Variants in ABI1 observed in about 807,000 individuals in gnomAD.
ABI1 encodes Abelson interactor 1.
A neutral mutation model predicts 54.6 loss-of-function variants in ABI1; 14 were observed. That is an observed-to-expected ratio of 0.26 (90% CI 0.17 to 0.40). The LOEUF is 0.40. ABI1 is among the 10% of genes least tolerant of loss of function. ABI1 has a pLI of 1.00. For synonymous variants in ABI1, 194 were observed against 209.3 expected, an observed-to-expected ratio of 0.93 and a Z score of 0.63; for missense variants, 443 against 598.3, an observed-to-expected ratio of 0.74 and a Z score of 2.71.
chr10:26,756,161 T>C (rs1253138263), intron 8 of ABI1, among the ~76,000 whole-genome samples: 1 of 152,176 alleles, frequency 6.6e-6, no homozygotes, highest in Non-Finnish European at 1.5e-5. Flanking sequence ...ATAACAGGTT[T>C]GTCTAGCTTT....
intron 2 of ABI1, among the ~76,000 whole-genome samples, chr10:26,798,309 G>T (rs969011087): frequency 4.0e-5 from 6 of 150,002 alleles, no homozygotes; most frequent in African/African-American, 1.5e-4. Flanking sequence ...ATCCAGTATT[G>T]GGGGGGGTGA....
At chr10:26,834,393 C>T (rs892187696) in intron 1 of ABI1, among the ~76,000 whole-genome samples, 40 of 152,070 alleles carry the variant, frequency 2.6e-4, no homozygotes, top group Admixed American at 2.4e-3. Flanking sequence ...AAAACGACAA[C>T]CCATAGATGG....
chr10:26,837,874 CA>C (rs2049202655), intron 1 of ABI1, among the ~76,000 whole-genome samples: 1 of 150,902 alleles, frequency 6.6e-6, no homozygotes, highest in East Asian at 2.0e-4. Flanking sequence ...CTTGGCCTCC[CA>C]AAGTGCTGAG....
chr10:26,783,759 G>T (rs1030455515), intron 2 of ABI1, among the ~76,000 whole-genome samples: 4 of 152,172 alleles, frequency 2.6e-5, no homozygotes, highest in African/African-American at 9.7e-5. Context: ...TGACGATCTG[G>T]ATTTTCTTGC....
intron 1 of ABI1, among the ~76,000 whole-genome samples, chr10:26,835,556 A>G (rs992370250): frequency 2.6e-5 from 4 of 151,142 alleles, no homozygotes; most frequent in Non-Finnish European, 5.9e-5. Context: ...GCCTCGGTGA[A>G]AGAGTTAGAC....
intron 2 of ABI1, among the ~76,000 whole-genome samples, chr10:26,780,098 G>T (rs1264788858): frequency 6.6e-6 from 1 of 152,148 alleles, no homozygotes; most frequent in East Asian, 1.9e-4. Flanking sequence ...TCTAAAAAAT[G>T]ATGCCATTGT....
chr10:26,808,516 G>A (rs2047016572), intron 2 of ABI1, among the ~76,000 whole-genome samples: 1 of 152,044 alleles, frequency 6.6e-6, no homozygotes, highest in Admixed American at 6.5e-5. Flanking sequence ...GAGGTCAGGA[G>A]TTCAAGACCA....
At chr10:26,798,451 C>CAA (rs1009570092) in intron 2 of ABI1, among the ~76,000 whole-genome samples, 2 of 151,866 alleles carry the variant, frequency 1.3e-5, no homozygotes, top group Admixed American at 1.3e-4. Context: ...GGTCATGCGC[C>CAA]AAAAGTGCAG....
At chr10:26,845,598 G>A (rs1004040706) in intron 1 of ABI1, among the ~76,000 whole-genome samples, 10 of 151,860 alleles carry the variant, frequency 6.6e-5, no homozygotes, top group South Asian at 2.1e-4. Context: ...AACCAAGATC[G>A]TGCCATTGCA....
chr10:26,750,481 A>G (rs1277503011), intron 10 of ABI1, among the ~76,000 whole-genome samples: 3 of 152,196 alleles, frequency 2.0e-5, no homozygotes, highest in African/African-American at 7.2e-5. Context: ...GAGACAGAGC[A>G]AGACTCCATC....
chr10:26,836,325 C>G (rs559160075), intron 1 of ABI1, among the ~76,000 whole-genome samples: 1 of 152,150 alleles, frequency 6.6e-6, no homozygotes, highest in East Asian at 1.9e-4. Context: ...GTTAGCCAGC[C>G]TGGTCTCGAA....
chr10:26,825,246 G>A (rs555387172), intron 1 of ABI1, among the ~76,000 whole-genome samples: 2 of 152,262 alleles, frequency 1.3e-5, no homozygotes, highest in East Asian at 3.9e-4. Context: ...ATCAAGCCTG[G>A]GTGTGGTGGC....
At chr10:26,805,582 G>A (rs1206330934) in intron 2 of ABI1, among the ~76,000 whole-genome samples, 1 of 152,178 alleles carries the variant, frequency 6.6e-6, no homozygotes, top group Non-Finnish European at 1.5e-5. Flanking sequence ...ATTATTTGAG[G>A]CAGAATGCAG....
At chr10:26,748,843 CTA>C (rs1363720092) in intron 10 of ABI1, 98 bp from the exon 11 acceptor site, 2 of 855,468 alleles carry the variant, frequency 2.3e-6, no homozygotes, top group Non-Finnish European at 3.5e-6. Flanking sequence ...CACAGCAAAA[CTA>C]TTTTTATGAA....
intron 2 of ABI1, among the ~76,000 whole-genome samples, chr10:26,778,660 C>A (rs955046821): frequency 3.9e-5 from 6 of 152,120 alleles, no homozygotes; most frequent in Non-Finnish European, 8.8e-5. Context: ...ATAAAGACAC[C>A]TCTCCATGAG....
chr10:26,799,193 G>C (rs1386190485), intron 2 of ABI1, among the ~76,000 whole-genome samples: 2 of 151,654 alleles, frequency 1.3e-5, no homozygotes, highest in African/African-American at 4.8e-5. Flanking sequence ...CCAAAGCTCT[G>C]TCATCCAGAC....
At chr10:26,848,362 A>G (rs1407962819) in intron 1 of ABI1, among the ~76,000 whole-genome samples, 1 of 151,416 alleles carries the variant, frequency 6.6e-6, no homozygotes, top group Non-Finnish European at 1.5e-5. Context: ...TTTAAAATTA[A>G]AAATATTATT....
At chr10:26,799,543 G>C (rs528317069) in intron 2 of ABI1, among the ~76,000 whole-genome samples, 69 of 152,258 alleles carry the variant, frequency 4.5e-4, no homozygotes, top group Non-Finnish European at 9.1e-4. Flanking sequence ...GAAACCAACT[G>C]AAGGGGAAAA....
intron 2 of ABI1, among the ~76,000 whole-genome samples, chr10:26,815,378 C>G (rs1458555203): frequency 6.6e-6 from 1 of 152,030 alleles, no homozygotes; most frequent in Non-Finnish European, 1.5e-5. Flanking sequence ...ATTTTTAAAT[C>G]TACTGAAATA....
Sources: allele counts gnomAD v4.1 joint callset (sites outside exome capture counted in the v4.1 genomes callset), GRCh38; gene constraint gnomAD v4.1.1; transcripts MANE v1.5; gene names NCBI Gene and HGNC (gene_info 2026-07-23, HGNC 2026-07-21).